SYN2: variants seen among roughly 807,000 people sequenced by gnomAD.
SYN2 encodes synapsin II, also known as synapsin-2.
In SYN2, 19 loss-of-function variants were observed where a neutral mutation model predicts 50.9. The observed-to-expected ratio is 0.37, with a 90% confidence interval of 0.26 to 0.55. The LOEUF is 0.55. Ranked by LOEUF, SYN2 falls within the 20% of genes least tolerant of loss-of-function variation. SYN2 has a pLI of 0.81. For synonymous variants in SYN2, 255 were observed against 224.9 expected, an observed-to-expected ratio of 1.13 and a Z score of -1.20; for missense variants, 587 against 576.4, an observed-to-expected ratio of 1.02 and a Z score of -0.19.
intron 1 of SYN2, among the ~76,000 whole-genome samples, chr3:12,082,731 T>A (rs965372915): frequency 2.0e-5 from 3 of 152,164 alleles, no homozygotes; most frequent in Non-Finnish European, 4.4e-5. Context: ...TATATTATAG[T>A]TTCTTTTTTT....
intron 1 of SYN2, among the ~76,000 whole-genome samples, chr3:12,022,709 A>G (rs982782928): frequency 6.6e-6 from 1 of 151,570 alleles, no homozygotes; most frequent in African/African-American, 2.4e-5. Context: ...TGCCTGGCCT[A>G]TTCTTTAAAT....
intron 1 of SYN2, among the ~76,000 whole-genome samples, chr3:12,057,585 G>A (rs897025777): frequency 1.3e-5 from 2 of 151,970 alleles, no homozygotes; most frequent in African/African-American, 4.8e-5. Context: ...TTATTTCTTT[G>A]GTTACAGTTT....
chr3:12,040,110 T>A (rs1485604228), intron 1 of SYN2, among the ~76,000 whole-genome samples: 1 of 152,176 alleles, frequency 6.6e-6, no homozygotes, highest in Non-Finnish European at 1.5e-5. Flanking sequence ...GTGTCCATGT[T>A]TGAGGAGGAG....
At chr3:12,127,586 G>A (rs1391365188) in intron 1 of SYN2, among the ~76,000 whole-genome samples, 1 of 152,204 alleles carries the variant, frequency 6.6e-6, no homozygotes. Flanking sequence ...GTTAGTGTCT[G>A]TTCTGGTGAA....
rs549672545 is a variant in SYN2, at chr3:12,167,088, C to G, written c.981-146C>G. 2.6e-3 allele frequency: 2,006 copies of G among 769,494 alleles called. 15 individuals carry two copies. The highest frequency in any genetic ancestry group is 0.012 in the South Asian group (740 of 60,042). 47.7% of individuals were successfully genotyped at this position (769,494 alleles called of 1,614,324 possible). On this transcript the variant is annotated intron_variant, in intron 7 of 12. Coordinates refer to ENST00000621198, the MANE Select transcript of SYN2 (RefSeq NM_133625.6). ...GGGATTTGGCAGAGGCACCCAGGCT[C>G]TAGGCTCAGCAGACAGACCCCTGGG...
At chr3:12,096,943 G>A (rs1205120849) in intron 1 of SYN2, among the ~76,000 whole-genome samples, 1 of 152,084 alleles carries the variant, frequency 6.6e-6, no homozygotes, top group Non-Finnish European at 1.5e-5. Context: ...AGTCCCAGAA[G>A]GAGAAAGGAA....
At chr3:12,107,081 T>A (rs1696208488) in intron 1 of SYN2, among the ~76,000 whole-genome samples, 1 of 152,108 alleles carries the variant, frequency 6.6e-6, no homozygotes, top group Admixed American at 6.6e-5. Context: ...CATTCCAGTG[T>A]CCTGTGCTGC....
At chr3:12,158,916 G>A (rs567030411) in intron 5 of SYN2, 141 of 1,433,992 alleles carry the variant, frequency 9.8e-5, no homozygotes, top group Non-Finnish European at 1.3e-4. Context: ...TCCCAAGGCC[G>A]TTGTGCCCCT....
chr3:12,018,139 G>T (rs1195558480), intron 1 of SYN2, among the ~76,000 whole-genome samples: 1 of 152,186 alleles, frequency 6.6e-6, no homozygotes. Context: ...CTAGAACCCA[G>T]ATTTGTGGGT....
intron 1 of SYN2, among the ~76,000 whole-genome samples, chr3:12,086,181 GA>G (rs1695697721): frequency 6.6e-6 from 1 of 152,068 alleles, no homozygotes; most frequent in Non-Finnish European, 1.5e-5. Context: ...AGAAGAAATA[GA>G]AAATCTGAAC....
intron 1 of SYN2, among the ~76,000 whole-genome samples, chr3:12,084,613 A>G (rs1332000723): frequency 6.6e-6 from 1 of 152,212 alleles, no homozygotes; most frequent in African/African-American, 2.4e-5. Flanking sequence ...GTAATCACAG[A>G]GTAAAATTCA....
At chr3:12,070,729 A>G (rs1695334229) in intron 1 of SYN2, 1 of 882,980 alleles carries the variant, frequency 1.1e-6, no homozygotes, top group Admixed American at 1.9e-5. Context: ...TACAGTGCCC[A>G]TCTACGAGGC....
chr3:12,156,725 G>A, intron 5 of SYN2: 2 of 947,146 alleles, frequency 2.1e-6, no homozygotes, highest in South Asian at 1.6e-5. Context: ...ACCTGGCTCA[G>A]CCTACTGCCC....
chr3:12,160,803 T>A (rs531441009), intron 5 of SYN2, among the ~76,000 whole-genome samples: 3 of 152,358 alleles, frequency 2.0e-5, no homozygotes, highest in Non-Finnish European at 4.4e-5. Flanking sequence ...CATCACCATT[T>A]TGTAGCAGCT....
chr3:12,125,291 C>T (rs1197910702), intron 1 of SYN2, among the ~76,000 whole-genome samples: 4 of 151,670 alleles, frequency 2.6e-5, no homozygotes, highest in South Asian at 2.1e-4. Context: ...TGAGCCACCA[C>T]GCCCAGCCAG....
intron 5 of SYN2, among the ~76,000 whole-genome samples, chr3:12,160,335 A>C (rs1031659028): frequency 6.6e-6 from 1 of 152,138 alleles, no homozygotes; most frequent in African/African-American, 2.4e-5. Context: ...AGCCCTTTGA[A>C]GTTCTTCTTC....
intron 1 of SYN2, among the ~76,000 whole-genome samples, chr3:12,027,231 G>A (rs1024094244): frequency 1.3e-5 from 2 of 152,026 alleles, no homozygotes; most frequent in East Asian, 1.9e-4. Flanking sequence ...TTCTGTCTCC[G>A]GAAACATATG....
intron 1 of SYN2, among the ~76,000 whole-genome samples, chr3:12,134,771 T>TA (rs962565966): frequency 3.5e-4 from 54 of 152,220 alleles, no homozygotes; most frequent in African/African-American, 1.2e-3. Flanking sequence ...GTTGTGTGCT[T>TA]AAATTTTTTT....
chr3:12,043,349 T>G (rs1224702965), intron 1 of SYN2, among the ~76,000 whole-genome samples: 1 of 152,082 alleles, frequency 6.6e-6, no homozygotes, highest in Non-Finnish European at 1.5e-5. Context: ...CTCTCCTAAT[T>G]TCACTTTTTT....
Sources: allele counts gnomAD v4.1 joint callset (sites outside exome capture counted in the v4.1 genomes callset), GRCh38; gene constraint gnomAD v4.1.1; transcripts MANE v1.5; gene names NCBI Gene and HGNC (gene_info 2026-07-23, HGNC 2026-07-21).